The following SERF2 variants were observed in gnomAD, a reference collection of about 807,000 sequenced individuals.
SERF2 encodes gastric cancer-related protein VRG107.
In SERF2, 4 loss-of-function variants were observed where a neutral mutation model predicts 10.7. The observed-to-expected ratio is 0.37, with a 90% CI of 0.18 to 0.86. SERF2 has a LOEUF of 0.86. SERF2 is among the 40% of genes least tolerant of loss of function. The pLI is 0.43. For missense variants in SERF2, 47 were observed against 79.1 expected (o/e 0.59, Z 1.54); for synonymous variants, 26 against 26.0 (o/e 1.00, Z 0.01).
rs780903077 is a variant in SERF2, at chr15:43,793,695, C to T, written c.117-15C>T. On this transcript the variant is annotated splice_polypyrimidine_tract_variant and intron_variant, in intron 2 of 2. Coordinates refer to ENST00000249786, the MANE Select transcript of SERF2 (RefSeq NM_001018108.4). ...CCTCTGGTACCTCCCAGTGCCCCAT[C>T]ATCTCTACCCCCAGGGACTCGGAGA... 6.2e-7 allele frequency: 1 copy of T among 1,614,196 alleles called. No individual in the cohort carries two copies. Among genetic ancestry groups the T allele is most frequent in the East Asian group, 2.2e-5 (1 of 44,882 alleles).
rs1467064632 is a variant in SERF2, at chr15:43,794,102, C to T, written c.*329C>T. On this transcript the variant is annotated 3_prime_UTR_variant, in exon 3 of 3. Coordinates refer to ENST00000249786, the MANE Select transcript of SERF2 (RefSeq NM_001018108.4). Reference sequence around the variant, plus strand: ...GGGGATGGGGTTGGAAGAATGACTGCCCTTTCCCACCAAAAAAGGGAGAAC... The same window carrying T: ...GGGGATGGGGTTGGAAGAATGACTGTCCTTTCCCACCAAAAAAGGGAGAAC... The T allele has an allele frequency of 3.6e-6, 3 of 823,502 alleles. No individual in the cohort carries two copies. Among genetic ancestry groups the T allele is most frequent in the Non-Finnish European group, 1.8e-6 (1 of 546,566 alleles). The allele number at this position is 823,502 out of a possible 1,614,324, so 51.0% of individuals were successfully genotyped here.
chr15:43,795,481 T>G lies in SERF2; in HGVS notation c.*1708T>G. 6.2e-7 allele frequency: 1 copy of G among 1,614,176 alleles called. No individual in the cohort carries two copies. The highest frequency in any genetic ancestry group is 8.5e-7 in the Non-Finnish European group (1 of 1,180,026). The stretch of plus-strand genomic sequence containing the variant: ...ATAGTTGTAGGAAAGATGCTGGACT[T>G]GGACTGGAGGAGCTGGAGGGGTTTC... On this transcript the variant is annotated 3_prime_UTR_variant, in exon 3 of 3. Transcript: ENST00000249786.
At position 43,785,710 on chromosome 15, in the gene SERF2, T is replaced by C. The variant is rs185531249; in HGVS notation, c.-402+176T>C. On this transcript the variant is annotated intron_variant, in intron 2 of 4. Transcript: ENST00000381359. ...GGGACTGAATTTTCTTTTTCTTTTT[T>C]TTTTTTTTTTTTTGAGACAGATACT... Among the ~76,000 whole-genome samples, 952 of 149,094 alleles carry C rather than the reference T, an allele frequency of 6.4e-3. 12 individuals carry two copies. Among genetic ancestry groups the C allele is most frequent in the African/African-American group, 0.02 (822 of 40,464 alleles).
Position 43,793,817 on chromosome 15 carries a change from C to T in SERF2, c.*44C>T, listed in dbSNP as rs11555372. 1.2e-6 allele frequency: 2 copies of T among 1,613,744 alleles called. No individual in the cohort carries two copies. Among genetic ancestry groups the T allele is most frequent in the Non-Finnish European group, 1.7e-6 (2 of 1,180,024 alleles). ...AACCCTCTTGCCCTTCGCCTGTGTG[C>T]CTGGAGCCAGTCCCACCACGCTCGC... On this transcript the variant is annotated 3_prime_UTR_variant, in exon 3 of 3. Coordinates refer to ENST00000249786, the MANE Select transcript of SERF2 (RefSeq NM_001018108.4).
chr15:43,795,011 G>A lies in SERF2; in HGVS notation c.*1238G>A, dbSNP rs1012744412. 1.2e-6 allele frequency: 2 copies of A among 1,603,774 alleles called. No individual in the cohort carries two copies. The highest frequency in any genetic ancestry group is 8.5e-7 in the Non-Finnish European group (1 of 1,175,458). ...TTTGTGAAAAGGACTTAGACTGGAGGATATTTGTTATCTGGGGATATGATG... is the reference window on the plus strand; with the variant it reads ...TTTGTGAAAAGGACTTAGACTGGAGAATATTTGTTATCTGGGGATATGATG... On this transcript the variant is annotated 3_prime_UTR_variant, in exon 3 of 3. Transcript: ENST00000249786.
At position 43,795,920 on chromosome 15, in the gene SERF2, C is replaced by T. The variant is rs753762601; in HGVS notation, c.*2147C>T. The stretch of plus-strand genomic sequence containing the variant: ...GTAAGATGTTTAATCTTTTGTGCCT[C>T]GATTTCTCCATTTGTAAAATGGAGC... On this transcript the variant is annotated 3_prime_UTR_variant, in exon 3 of 3. Transcript: ENST00000249786. The T allele has an allele frequency of 6.1e-6, 4 of 659,104 alleles. No homozygotes were observed. Among genetic ancestry groups the T allele is most frequent in the Admixed American group, 6.0e-5 (2 of 33,566 alleles). 40.8% of individuals were successfully genotyped at this position (659,104 alleles called of 1,614,324 possible).
Position 43,793,995 on chromosome 15 carries a change from T to A in SERF2, c.*222T>A. 6.7e-7 allele frequency: 1 copy of A among 1,493,174 alleles called. No homozygotes were observed. The highest frequency in any genetic ancestry group is 8.9e-7 in the Non-Finnish European group (1 of 1,122,376). The allele number at this position is 1,493,174 out of a possible 1,614,324, so 92.5% of individuals were successfully genotyped here. A position where few individuals can be genotyped will look rare whatever the true frequency, so the allele number is the denominator to read the frequency against. ...TGAGGGGGTTACCCCTTCCCAGTGTTTTTTATTCCTGTGGGGCTCACCCCA... is the reference window on the plus strand; with the variant it reads ...TGAGGGGGTTACCCCTTCCCAGTGTATTTTATTCCTGTGGGGCTCACCCCA... On this transcript the variant is annotated 3_prime_UTR_variant, in exon 3 of 3. Coordinates refer to ENST00000249786, the MANE Select transcript of SERF2 (RefSeq NM_001018108.4).
chr15:43,780,673 G>A (rs1193377629), intron 1 of SERF2, among the ~76,000 whole-genome samples: 1 of 152,056 alleles, frequency 6.6e-6, no homozygotes, highest in African/African-American at 2.4e-5. Flanking sequence ...CTTATCTTCA[G>A]GGAAGTTCCA....
chr15:43,788,264 C>T (rs1041654847), upstream of SERF2, among the ~76,000 whole-genome samples: 1 of 152,136 alleles, frequency 6.6e-6, no homozygotes, highest in Non-Finnish European at 1.5e-5. Context: ...TCCCTGTCGG[C>T]TTCCCAAAGT....
In SERF2 at chr15:43,793,972, AG is replaced by A. The variant is rs1012412136; in HGVS notation, c.*204del. 2.0e-6 allele frequency: 3 copies of A among 1,534,720 alleles called. No homozygotes were observed. The highest frequency in any genetic ancestry group is 2.8e-5 in the African/African-American group (2 of 72,716). On this transcript the variant is annotated 3_prime_UTR_variant, in exon 3 of 3. Coordinates refer to ENST00000249786, the MANE Select transcript of SERF2 (RefSeq NM_001018108.4). ...TCCCCCTGGGCCACTCCCGGGGGTG[AG>A]GGGGTTACCCCTTCCCAGTGTTTTT...
At chr15:43,780,269 A>G (rs1318550120) in intron 1 of SERF2, among the ~76,000 whole-genome samples, 1 of 151,938 alleles carries the variant, frequency 6.6e-6, no homozygotes, top group Non-Finnish European at 1.5e-5. Flanking sequence ...CCTCCCGAGT[A>G]GCTGAGACTA....
At chr15:43,783,231 C>T (rs1356274874) in intron 1 of SERF2, among the ~76,000 whole-genome samples, 1 of 152,098 alleles carries the variant, frequency 6.6e-6, no homozygotes, top group Non-Finnish European at 1.5e-5. Context: ...TGGTCTCAAT[C>T]TCCTGACCTC....
At position 43,795,814 on chromosome 15, in the gene SERF2, A is replaced by T; in HGVS notation, c.*2041A>T. The T allele has an allele frequency of 6.8e-7, 1 of 1,476,598 alleles. No homozygotes were observed. The highest frequency in any genetic ancestry group is 9.3e-7 in the Non-Finnish European group (1 of 1,077,520). 91.5% of individuals were successfully genotyped at this position (1,476,598 alleles called of 1,614,324 possible). On this transcript the variant is annotated 3_prime_UTR_variant, in exon 3 of 3. Transcript: ENST00000249786. ...AATCTAGGAAACTTCCCCCGTGAAA[A>T]GATTGGTCTAGTATTAAAAAGTGGA...
upstream of SERF2, among the ~76,000 whole-genome samples, chr15:43,788,170 C>A (rs1335847788): frequency 1.3e-5 from 2 of 152,158 alleles, no homozygotes; most frequent in Admixed American, 6.6e-5. Context: ...CCACCACGTT[C>A]AGCCTAATTT....
At chr15:43,778,524 G>C (rs1322234833) in intron 1 of SERF2, among the ~76,000 whole-genome samples, 1 of 123,588 alleles carries the variant, frequency 8.1e-6, no homozygotes, top group Non-Finnish European at 1.6e-5. Context: ...GAGCAACAGA[G>C]AGAGACCCTG....
In SERF2 at chr15:43,794,441, G is replaced by C; in HGVS notation, c.*668G>C. ...CACCGACTTCCCGTGGTCAGCTGCT[G>C]TCAAGCGTTCACTTTCTCTTCTGTC... On this transcript the variant is annotated 3_prime_UTR_variant, in exon 3 of 3. Transcript: ENST00000249786. 1 of 162,784 alleles carries C rather than the reference G, an allele frequency of 6.1e-6. No individual in the cohort carries two copies. The highest frequency in any genetic ancestry group is 5.1e-4 in the Middle Eastern group (1 of 1,950). The allele number at this position is 162,784 out of a possible 1,614,324, so 10.1% of individuals were successfully genotyped here. A position where few individuals can be genotyped will look rare whatever the true frequency, so the allele number is the denominator to read the frequency against.
chr15:43,788,673 A>C (rs2087027290), upstream of SERF2, among the ~76,000 whole-genome samples: 2 of 152,158 alleles, frequency 1.3e-5, no homozygotes, highest in African/African-American at 4.8e-5. Context: ...CTACTGGTAA[A>C]GTGATCTTTT....
chr15:43,795,602 C>A lies in SERF2; in HGVS notation c.*1829C>A, dbSNP rs886623121. The A allele has an allele frequency of 3.7e-6, 6 of 1,611,914 alleles. No homozygotes were observed. Among genetic ancestry groups the A allele is most frequent in the Non-Finnish European group, 5.1e-6 (6 of 1,178,222 alleles). The stretch of plus-strand genomic sequence containing the variant: ...CTGAAACACCTCTTCCCCTCTCCCC[C>A]AACTACCTTTGTTAAGGCTCTTGAG... On this transcript the variant is annotated 3_prime_UTR_variant, in exon 3 of 3. Coordinates refer to ENST00000249786, the MANE Select transcript of SERF2 (RefSeq NM_001018108.4).
chr15:43,794,842 A>G lies in SERF2; in HGVS notation c.*1069A>G, dbSNP rs2087164830. ...TCAGACACTCTGCCCAGCACATTAGACTGTGTTTGACCACTTCTTCCAGTT... is the reference window on the plus strand; with the variant it reads ...TCAGACACTCTGCCCAGCACATTAGGCTGTGTTTGACCACTTCTTCCAGTT... On this transcript the variant is annotated 3_prime_UTR_variant, in exon 3 of 3. Coordinates refer to ENST00000249786, the MANE Select transcript of SERF2 (RefSeq NM_001018108.4). 6.4e-6 allele frequency: 4 copies of G among 628,380 alleles called. No individual in the cohort carries two copies. Among genetic ancestry groups the G allele is most frequent in the Non-Finnish European group, 1.1e-5 (4 of 358,044 alleles). 38.9% of individuals were successfully genotyped at this position (628,380 alleles called of 1,614,324 possible).
Sources: allele counts gnomAD v4.1 joint callset (sites outside exome capture counted in the v4.1 genomes callset), GRCh38; gene constraint gnomAD v4.1.1; transcripts MANE v1.5; gene names NCBI Gene and HGNC (gene_info 2026-07-23, HGNC 2026-07-21).